SLC24A2: variants seen among roughly 807,000 people sequenced by gnomAD.
SLC24A2 encodes solute carrier family 24 member 2, also known as sodium/potassium/calcium exchanger 2.
A neutral mutation model predicts 62.0 loss-of-function variants in SLC24A2; 36 were observed. The observed-to-expected ratio is 0.58, with a 90% confidence interval of 0.44 to 0.77. The LOEUF is 0.77. Ranked by LOEUF, SLC24A2 falls within the 30% of genes least tolerant of loss-of-function variation. The pLI is 0.00. For missense variants in SLC24A2, 846 were observed against 817.9 expected (o/e 1.03, Z -0.42); for synonymous variants, 358 against 294.0 (o/e 1.22, Z -2.23).
At chr9:19,887,983 G>A in the SLC24A2 span, among the ~76,000 whole-genome samples, 2 of 152,152 alleles carry the variant, frequency 1.3e-5, no homozygotes, top group Non-Finnish European at 2.9e-5. Flanking sequence ...GGGACTCAGG[G>A]GAAAGTGGAG....
chr9:19,985,791 T>C, the SLC24A2 span, among the ~76,000 whole-genome samples: 2 of 152,064 alleles, frequency 1.3e-5, no homozygotes, highest in Non-Finnish European at 2.9e-5. Context: ...AGTGAACCAA[T>C]GACTTAAACA....
intron 2 of SLC24A2, among the ~76,000 whole-genome samples, chr9:19,742,282 G>A (rs1821701603): frequency 6.6e-6 from 1 of 152,210 alleles, no homozygotes; most frequent in South Asian, 2.1e-4. Context: ...AAAATGTGCT[G>A]TGGAAAGATG....
chr9:20,274,866 G>C, the SLC24A2 span, among the ~76,000 whole-genome samples: 12 of 151,926 alleles, frequency 7.9e-5, no homozygotes, highest in African/African-American at 2.4e-4. Flanking sequence ...AGAAGCTTGG[G>C]TGGTGGTACT....
chr9:19,869,335 C>T, the SLC24A2 span, among the ~76,000 whole-genome samples: 1 of 152,072 alleles, frequency 6.6e-6, no homozygotes, highest in Non-Finnish European at 1.5e-5. Context: ...TATCTTCTGG[C>T]CTCCACTATT....
chr9:19,794,008 G>A (rs971905999), upstream of SLC24A2, among the ~76,000 whole-genome samples: 2 of 152,124 alleles, frequency 1.3e-5, no homozygotes, highest in African/African-American at 4.8e-5. Context: ...CTCATTTTTT[G>A]TCTGGTGGCT....
chr9:19,592,519 T>C lies in SLC24A2; in HGVS notation c.1129+4710A>G, dbSNP rs530561070. On this transcript the variant is annotated intron_variant, in intron 5 of 10. Coordinates refer to ENST00000341998, the MANE Select transcript of SLC24A2 (RefSeq NM_020344.4). Reference sequence around the variant, plus strand: ...CCACCTACCTACCTACCTACCTACCTACCTACCTACCTACCTACCTACCTA... The same window carrying C: ...CCACCTACCTACCTACCTACCTACCCACCTACCTACCTACCTACCTACCTA... Among the ~76,000 whole-genome samples, 30 of 151,940 alleles carry C rather than the reference T, an allele frequency of 2.0e-4. 1 individual carries two copies. The highest frequency in any genetic ancestry group is 5.5e-4 in the African/African-American group (23 of 41,466).
At chr9:19,615,994 GCACACACA>G (rs3220155) in intron 4 of SLC24A2, among the ~76,000 whole-genome samples, 6,892 of 140,806 alleles carry the variant, frequency 0.049, 160 homozygotes, top group East Asian at 0.078. Flanking sequence ...TCACAGGCGT[GCACACACA>G]CACACACACA....
the SLC24A2 span, among the ~76,000 whole-genome samples, chr9:20,088,798 T>A: frequency 1.3e-5 from 2 of 151,520 alleles, no homozygotes; most frequent in Non-Finnish European, 3.0e-5. Flanking sequence ...CCCCAACTGG[T>A]GTGTTTGGGC....
the SLC24A2 span, among the ~76,000 whole-genome samples, chr9:20,134,393 C>A: frequency 1.3e-5 from 2 of 152,052 alleles, no homozygotes; most frequent in African/African-American, 4.8e-5. Context: ...AATCTACTTC[C>A]AATGAGAAGG....
chr9:19,851,519 CTCCCTGTG>C, the SLC24A2 span, among the ~76,000 whole-genome samples: 1 of 152,094 alleles, frequency 6.6e-6, no homozygotes. Flanking sequence ...TGTTGCTTCC[CTCCCTGTG>C]TCCCTGTGTT....
At chr9:20,199,081 A>G in the SLC24A2 span, among the ~76,000 whole-genome samples, 1 of 152,332 alleles carries the variant, frequency 6.6e-6, no homozygotes, top group Admixed American at 6.5e-5. Flanking sequence ...ACAGAGAAAA[A>G]GTTGTTTCTA....
chr9:19,917,329 TG>T, the SLC24A2 span, among the ~76,000 whole-genome samples: 1 of 149,496 alleles, frequency 6.7e-6, no homozygotes, highest in African/African-American at 2.4e-5. Flanking sequence ...TTGGTAGAAC[TG>T]ATCTTGAGTT....
At chr9:20,025,598 A>G in the SLC24A2 span, among the ~76,000 whole-genome samples, 1 of 152,138 alleles carries the variant, frequency 6.6e-6, no homozygotes, top group African/African-American at 2.4e-5. Flanking sequence ...CGTACCAGCT[A>G]TCTCTGTGCT....
chr9:20,216,051 T>A, the SLC24A2 span, among the ~76,000 whole-genome samples: 1 of 152,152 alleles, frequency 6.6e-6, no homozygotes, highest in African/African-American at 2.4e-5. Context: ...CATTAATTAA[T>A]AGATCTACTA....
At chr9:19,957,977 A>G in the SLC24A2 span, 7 of 152,956 alleles carry the variant, frequency 4.6e-5, no homozygotes, top group African/African-American at 1.7e-4. Context: ...CATGATGACA[A>G]TGGTAGCTCT....
At chr9:19,546,187 G>C (rs1834556979) in intron 8 of SLC24A2, among the ~76,000 whole-genome samples, 1 of 152,200 alleles carries the variant, frequency 6.6e-6, no homozygotes, top group East Asian at 1.9e-4. Flanking sequence ...GGGTGTCAGG[G>C]ACCCACTTGA....
the SLC24A2 span, among the ~76,000 whole-genome samples, chr9:19,971,315 C>CA: frequency 6.6e-6 from 1 of 152,126 alleles, no homozygotes; most frequent in African/African-American, 2.4e-5. Flanking sequence ...ATTGTTGTGT[C>CA]ATTTGTGGTG....
the SLC24A2 span, among the ~76,000 whole-genome samples, chr9:20,030,402 G>C: frequency 3.9e-4 from 60 of 152,294 alleles, no homozygotes; most frequent in African/African-American, 1.4e-3. Context: ...CGGTAACCGA[G>C]CTCCTCCTGT....
chr9:19,910,469 CTTATAACCCCTCA>C, the SLC24A2 span, among the ~76,000 whole-genome samples: 2 of 152,078 alleles, frequency 1.3e-5, no homozygotes, highest in Non-Finnish European at 2.9e-5. Context: ...CACCCTTATG[CTTATAACCCCTCA>C]AAAACATTCT....
Sources: gnomAD v4.1 joint callset for allele counts (sites outside exome capture counted in the v4.1 genomes callset) on GRCh38, gnomAD v4.1.1 for gene constraint, MANE v1.5 for transcripts, NCBI Gene and HGNC (gene_info 2026-07-23, HGNC 2026-07-21) for gene names.